The following INSYN2B variants were observed in gnomAD, a reference collection of about 807,000 sequenced individuals.
INSYN2B encodes protein INSYN2B.
A neutral mutation model predicts 41.2 loss-of-function variants in INSYN2B; 16 were observed. The observed-to-expected ratio is 0.39, with a 90% CI of 0.26 to 0.59. The LOEUF is 0.59. Among genes scored for constraint, INSYN2B ranks in the 20% least tolerant of loss-of-function variants. INSYN2B has a pLI of 0.57. For missense variants in INSYN2B, 608 were observed against 646.4 expected (o/e 0.94, Z 0.64); for synonymous variants, 245 against 244.4 (o/e 1.00, Z -0.02).
At chr5:169,977,387 G>T (rs543667462) in intron 1 of INSYN2B, among the ~76,000 whole-genome samples, 34 of 152,314 alleles carry the variant, frequency 2.2e-4, no homozygotes, top group African/African-American at 7.9e-4. Context: ...AATCTGCATA[G>T]CTTCTCTGGA....
At chr5:169,932,491 C>T (rs1775802511) in intron 1 of INSYN2B, among the ~76,000 whole-genome samples, 2 of 152,214 alleles carry the variant, frequency 1.3e-5, no homozygotes, top group South Asian at 4.1e-4. Flanking sequence ...ATGGAACATG[C>T]TTCTGGGTGT....
chr5:169,890,023 C>T (rs1458545573), intron 1 of INSYN2B, among the ~76,000 whole-genome samples: 1 of 152,218 alleles, frequency 6.6e-6, no homozygotes, highest in South Asian at 2.1e-4. Context: ...CATGTAATCC[C>T]CACTAGGGAG....
chr5:169,865,502 T>A (rs953818409), intron 3 of INSYN2B, among the ~76,000 whole-genome samples: 3 of 152,178 alleles, frequency 2.0e-5, no homozygotes, highest in African/African-American at 7.2e-5. Context: ...CTCTTAGACA[T>A]CCCTGTGGGC....
intron 3 of INSYN2B, among the ~76,000 whole-genome samples, chr5:169,876,294 C>A (rs1249008396): frequency 6.6e-6 from 1 of 152,222 alleles, no homozygotes; most frequent in African/African-American, 2.4e-5. Context: ...TGCAGAGGGT[C>A]TGTAGGATGT....
In INSYN2B at chr5:169,959,126, CTCAT is replaced by C. The variant is rs1776978474; in HGVS notation, c.-919+21147_-919+21150del. ...AGCACAAACTGGCTGGGCATGGTGG[CTCAT>C]GCCTGTAATCCCAGCACTTTGGGAG... is the stretch of plus-strand genomic sequence containing the variant. On this transcript the variant is annotated intron_variant, in intron 1 of 3. Coordinates refer to ENST00000377365, the MANE Select transcript of INSYN2B (RefSeq NM_001129891.3). 2.0e-5 allele frequency among the ~76,000 whole-genome samples: 3 copies of C among 151,592 alleles called. No individual in the cohort carries two copies. The South Asian group carries it at 6.9e-4, about 35-fold the overall frequency.
chr5:169,923,067 G>A (rs1030902465), intron 1 of INSYN2B, among the ~76,000 whole-genome samples: 48 of 152,120 alleles, frequency 3.2e-4, no homozygotes, highest in African/African-American at 1.2e-3. Flanking sequence ...AATTCCCTGG[G>A]GGACACAGAG....
intron 1 of INSYN2B, among the ~76,000 whole-genome samples, chr5:169,906,340 G>A (rs1189453301): frequency 6.6e-6 from 1 of 152,118 alleles, no homozygotes; most frequent in African/African-American, 2.4e-5. Flanking sequence ...TGTGCACATG[G>A]CCAGCATTCA....
intron 1 of INSYN2B, among the ~76,000 whole-genome samples, chr5:169,953,561 A>G (rs575797974): frequency 2.0e-5 from 3 of 152,284 alleles, no homozygotes; most frequent in South Asian, 2.1e-4. Flanking sequence ...GCTTTGCATT[A>G]TTATTATTTG....
intron 1 of INSYN2B, among the ~76,000 whole-genome samples, chr5:169,972,585 ATGAT>A (rs1448687032): frequency 3.1e-5 from 1 of 32,560 alleles, no homozygotes; most frequent in Non-Finnish European, 6.1e-5. Context: ...AGATAGATAG[ATGAT>A]AGATAGATAG....
At chr5:169,890,995 A>T (rs557987705) in intron 1 of INSYN2B, among the ~76,000 whole-genome samples, 4 of 152,308 alleles carry the variant, frequency 2.6e-5, no homozygotes, top group African/African-American at 7.2e-5. Flanking sequence ...ATTAAAATCC[A>T]AACTAGTTCC....
intron 1 of INSYN2B, among the ~76,000 whole-genome samples, chr5:169,962,543 G>A (rs1470675489): frequency 1.3e-5 from 2 of 152,166 alleles, no homozygotes; most frequent in East Asian, 1.9e-4. Flanking sequence ...TGTCAGACAG[G>A]TAGTTGTGTC....
At chr5:169,893,624 G>A (rs1773422967) in intron 1 of INSYN2B, among the ~76,000 whole-genome samples, 1 of 152,068 alleles carries the variant, frequency 6.6e-6, no homozygotes, top group Non-Finnish European at 1.5e-5. Flanking sequence ...GAATAGCTCT[G>A]TGTGTCAGAT....
At chr5:169,972,959 G>A (rs556560654) in intron 1 of INSYN2B, among the ~76,000 whole-genome samples, 3 of 152,260 alleles carry the variant, frequency 2.0e-5, no homozygotes, top group South Asian at 4.1e-4. Flanking sequence ...GCTGTGACTA[G>A]CAGATCTCTT....
intron 1 of INSYN2B, among the ~76,000 whole-genome samples, chr5:169,936,522 T>C (rs968982347): frequency 2.0e-5 from 3 of 151,490 alleles, no homozygotes; most frequent in African/African-American, 7.3e-5. Flanking sequence ...ATCTATTCTA[T>C]CCTGTGTGTA....
chr5:169,905,414 G>C (rs1774222214), intron 1 of INSYN2B, among the ~76,000 whole-genome samples: 1 of 152,112 alleles, frequency 6.6e-6, no homozygotes, highest in African/African-American at 2.4e-5. Context: ...CTGAAAGCCA[G>C]CTGCCCCTTG....
At chr5:169,904,091 CAAAAAA>C (rs57983281) in intron 1 of INSYN2B, among the ~76,000 whole-genome samples, 1 of 70,398 alleles carries the variant, frequency 1.4e-5, no homozygotes, top group African/African-American at 4.9e-5. Context: ...GACTTCGTCT[CAAAAAA>C]AAAAAAAAAA....
intron 1 of INSYN2B, chr5:169,934,614 T>C (rs1775903039): frequency 2.2e-6 from 1 of 455,986 alleles, no homozygotes; most frequent in Non-Finnish European, 4.4e-6. Flanking sequence ...TTGGGCAAGA[T>C]ACTTCCCCTT....
chr5:169,923,482 G>GGC lies in INSYN2B; in HGVS notation c.-918-38668_-918-38667dup, dbSNP rs111621936. Among the ~76,000 whole-genome samples, 84 of 98,014 alleles carry GGC rather than the reference G, an allele frequency of 8.6e-4. 1 individual carries two copies. The highest frequency in any genetic ancestry group is 3.7e-3 in the African/African-American group (77 of 20,738). The allele number at this position is 98,014 out of a possible 152,430, so 64.3% of individuals were successfully genotyped here. On this transcript the variant is annotated intron_variant, in intron 1 of 3. Coordinates refer to ENST00000377365, the MANE Select transcript of INSYN2B (RefSeq NM_001129891.3). ...ACATGCGTGCGTGTGCATGCACGTG[G>GGC]GCACACACACACACACACACACACA... is the stretch of plus-strand genomic sequence containing the variant.
intron 3 of INSYN2B, among the ~76,000 whole-genome samples, chr5:169,868,594 A>C (rs1404696486): frequency 1.3e-5 from 2 of 152,170 alleles, no homozygotes; most frequent in Non-Finnish European, 2.9e-5. Context: ...CACCATCTCT[A>C]CAAAAAGTAA....
Sources: allele counts gnomAD v4.1 joint callset (sites outside exome capture counted in the v4.1 genomes callset), GRCh38; gene constraint gnomAD v4.1.1; transcripts MANE v1.5; gene names NCBI Gene and HGNC (gene_info 2026-07-23, HGNC 2026-07-21).